Variants in SYN2 observed in about 807,000 individuals in gnomAD.
SYN2 encodes the protein synapsin II.
In SYN2, 19 loss-of-function variants were observed where a neutral mutation model predicts 50.9. The ratio of observed to expected loss-of-function variants is 0.37; its 90% CI spans 0.26 to 0.55. The LOEUF (loss-of-function observed/expected upper bound fraction) is 0.55. Ranked by LOEUF, SYN2 falls within the 20% of genes least tolerant of loss-of-function variation. SYN2 has a pLI of 0.81. For synonymous variants in SYN2, 255 were observed against 224.9 expected (o/e 1.13, Z -1.20); for missense variants, 587 against 576.4 (o/e 1.02, Z -0.19).
chr3:12,082,394 A>C (rs1328910553), intron 1 of SYN2, among the ~76,000 whole-genome samples: 1 of 152,230 alleles, frequency 6.6e-6, no homozygotes, highest in Non-Finnish European at 1.5e-5. Context: ...AGGCACAGTG[A>C]ACCACTCTTA....
intron 1 of SYN2, among the ~76,000 whole-genome samples, chr3:12,137,514 T>C (rs1048449259): frequency 1.3e-5 from 2 of 152,220 alleles, no homozygotes; most frequent in Admixed American, 6.5e-5. Flanking sequence ...TAGCACTGTT[T>C]GTAATACCAA....
intron 1 of SYN2, among the ~76,000 whole-genome samples, chr3:12,055,249 AT>A (rs1694961766): frequency 6.6e-6 from 1 of 152,118 alleles, no homozygotes; most frequent in South Asian, 2.1e-4. Context: ...TTCCCCATGT[AT>A]TTTGAAAATT....
At chr3:12,009,029 G>T (rs1693860020) in intron 1 of SYN2, among the ~76,000 whole-genome samples, 1 of 140,254 alleles carries the variant, frequency 7.1e-6, no homozygotes, top group African/African-American at 3.3e-5. Context: ...CTTGTGAGTG[G>T]CTCTAAAAAA....
At chr3:12,066,390 A>G (rs999201229) in intron 1 of SYN2, among the ~76,000 whole-genome samples, 1 of 152,326 alleles carries the variant, frequency 6.6e-6, no homozygotes, top group Non-Finnish European at 1.5e-5. Context: ...AAAACACACA[A>G]AGTCCTACTT....
chr3:12,067,067 A>G (rs1436426391), intron 1 of SYN2, among the ~76,000 whole-genome samples: 1 of 152,184 alleles, frequency 6.6e-6, no homozygotes, highest in African/African-American at 2.4e-5. Context: ...AACTGCCCCC[A>G]TGATGCAAGT....
chr3:12,109,951 G>A (rs1167085108), intron 1 of SYN2, among the ~76,000 whole-genome samples: 1 of 152,100 alleles, frequency 6.6e-6, no homozygotes, highest in Non-Finnish European at 1.5e-5. Context: ...ACTCTCCAAG[G>A]CCAAGATGGG....
At chr3:12,015,836 T>A (rs987855446) in intron 1 of SYN2, among the ~76,000 whole-genome samples, 1 of 152,218 alleles carries the variant, frequency 6.6e-6, no homozygotes, top group African/African-American at 2.4e-5. Flanking sequence ...GTTCTTTTCT[T>A]CTTTCTATCT....
rs1559381992 is a variant in SYN2, at chr3:12,004,538, G to A, written c.-14G>A. On this transcript the variant is annotated 5_prime_UTR_variant, in exon 1 of 13. Transcript: ENST00000621198. ...GACCCCGTAGCCCCGCGCGCCCCCA[G>A]CCCTTTAAGCCAGATGATGAACTTC... 3.2e-6 allele frequency: 2 copies of A among 626,820 alleles called. No homozygotes were observed. Among genetic ancestry groups the A allele is most frequent in the South Asian group, 3.5e-5 (2 of 57,826 alleles). The allele number at this position is 626,820 out of a possible 1,614,324, so 38.8% of individuals were successfully genotyped here.
At chr3:12,007,428 A>T (rs1017845182) in intron 1 of SYN2, among the ~76,000 whole-genome samples, 5 of 152,206 alleles carry the variant, frequency 3.3e-5, no homozygotes, top group Non-Finnish European at 5.9e-5. Context: ...TTAAAAATTG[A>T]TGAGTGGTTT....
intron 4 of SYN2, among the ~76,000 whole-genome samples, chr3:12,147,610 C>T (rs1020217137): frequency 2.0e-5 from 3 of 152,178 alleles, no homozygotes; most frequent in Non-Finnish European, 4.4e-5. Context: ...AACCCACGTG[C>T]ACCCCCGGTA....
At chr3:12,028,030 C>CCTCCCCT (rs1273813260) in intron 1 of SYN2, among the ~76,000 whole-genome samples, 1 of 83,962 alleles carries the variant, frequency 1.2e-5, no homozygotes, top group African/African-American at 4.7e-5. Context: ...TTCCCTCCCC[C>CCTCCCCT]CTCCCCACCA....
At chr3:12,133,057 C>A (rs2125210722) in intron 1 of SYN2, among the ~76,000 whole-genome samples, 1 of 152,200 alleles carries the variant, frequency 6.6e-6, no homozygotes, top group East Asian at 1.9e-4. Context: ...GCATTTTAAT[C>A]CCTGGAAGAG....
At chr3:12,073,599 A>G (rs556307420) in intron 1 of SYN2, among the ~76,000 whole-genome samples, 1 of 152,310 alleles carries the variant, frequency 6.6e-6, no homozygotes, top group African/African-American at 2.4e-5. Flanking sequence ...CATTTATTGT[A>G]GTTGGATTTC....
intron 7 of SYN2, among the ~76,000 whole-genome samples, chr3:12,164,481 A>G (rs1479643590): frequency 6.6e-6 from 1 of 152,218 alleles, no homozygotes; most frequent in African/African-American, 2.4e-5. Context: ...ACTTGTGGCT[A>G]TATTCCTGCT....
intron 5 of SYN2, among the ~76,000 whole-genome samples, chr3:12,152,357 C>T (rs532628379): frequency 6.6e-6 from 1 of 152,270 alleles, no homozygotes; most frequent in South Asian, 2.1e-4. Context: ...AGGACTTTTC[C>T]TTTCAGGGCA....
At chr3:12,165,492 A>G (rs973740911) in intron 7 of SYN2, 5 of 152,232 alleles carry the variant, frequency 3.3e-5, no homozygotes, top group Admixed American at 1.3e-4. Context: ...TTCACATTGT[A>G]TATGCATCAG....
intron 1 of SYN2, among the ~76,000 whole-genome samples, chr3:12,022,032 C>T (rs1694149282): frequency 6.6e-6 from 1 of 151,224 alleles, no homozygotes; most frequent in Non-Finnish European, 1.5e-5. Context: ...ATCACACTGC[C>T]TCACTCCAGC....
intron 7 of SYN2, among the ~76,000 whole-genome samples, chr3:12,166,001 G>A (rs17035976): frequency 0.034 from 5,148 of 152,210 alleles, 272 homozygotes; most frequent in African/African-American, 0.11. Flanking sequence ...TCAAGCAGGG[G>A]CAAGAATTTC....
At chr3:12,029,845 T>C (rs1445723055) in intron 1 of SYN2, among the ~76,000 whole-genome samples, 1 of 100,320 alleles carries the variant, frequency 1.0e-5, no homozygotes, top group Non-Finnish European at 1.8e-5. Context: ...TGACTTCCTC[T>C]TTTCCTAATT....
Sources: gnomAD v4.1 joint callset for allele counts (sites outside exome capture counted in the v4.1 genomes callset) on GRCh38, gnomAD v4.1.1 for gene constraint, MANE v1.5 for transcripts, NCBI Gene and HGNC (gene_info 2026-07-23, HGNC 2026-07-21) for gene names.